The following NUP50 variants were observed in gnomAD, a reference collection of about 807,000 sequenced individuals.
NUP50 encodes the protein nuclear pore complex protein Nup50.
A neutral mutation model predicts 36.8 loss-of-function variants in NUP50; 14 were observed. The observed-to-expected ratio is 0.38, with a 90% CI of 0.25 to 0.59. NUP50 has a LOEUF of 0.59. NUP50 is among the 20% of genes least tolerant of loss of function. The pLI, the probability that NUP50 is intolerant of heterozygous loss-of-function variation, is 0.63. For synonymous variants in NUP50, 195 were observed against 210.8 expected (o/e 0.93, Z 0.65); for missense variants, 455 against 564.6 (o/e 0.81, Z 1.97).
chr22:45,183,478 A>G lies in NUP50; in HGVS notation c.1162A>G (p.Asn388Asp). 1 of 1,612,476 alleles carries G rather than the reference A, an allele frequency of 6.2e-7. No homozygotes were observed. Residue 388 changes from asparagine to aspartate, a missense_variant, in exon 7 of 8, where the codon AAT becomes GAT. Asn to Asp is a conservative substitution (Grantham distance 23, BLOSUM62 1). This residue lies in a region of NUP50 where 287 missense variants were observed against 345.5 expected (regional missense o/e 0.83). Coordinates refer to ENST00000347635, the MANE Select transcript of NUP50 (RefSeq NM_007172.4). The part of the protein sequence containing the change: ...IGTLHLKPTA[N>D]QKTQLLVRAD... Reference sequence around the variant, plus strand: ...TACTCTGCATTTAAAACCTACAGCAAATCAGAAGACACAGCTTTTGGTGCG... The same window carrying G: ...TACTCTGCATTTAAAACCTACAGCAGATCAGAAGACACAGCTTTTGGTGCG...
intron 5 of NUP50, chr22:45,180,422 G>C (rs1177543364): frequency 6.6e-6 from 1 of 152,246 alleles, no homozygotes. Flanking sequence ...ACCCAGGCTA[G>C]TAGTGCAGTG....
intron 2 of NUP50, among the ~76,000 whole-genome samples, chr22:45,169,762 C>G (rs1176724782): frequency 2.6e-5 from 4 of 152,196 alleles, no homozygotes; most frequent in African/African-American, 9.7e-5. Context: ...GGGAAGGCAC[C>G]TGTTACTTAG....
rs1162772967 is a variant in NUP50, at chr22:45,164,089, A to G, written c.-218A>G. ...ACCGGCGCTCTCGCCTCCCTGCCGA[A>G]CACAGCGTGAGGAGCCCCCCCAGGG... On this transcript the variant is annotated 5_prime_UTR_variant, in exon 1 of 8. Coordinates refer to ENST00000347635, the MANE Select transcript of NUP50 (RefSeq NM_007172.4). 1 of 152,270 alleles carries G rather than the reference A, an allele frequency of 6.6e-6. No individual in the cohort carries two copies. Among genetic ancestry groups the G allele is most frequent in the East Asian group, 1.9e-4 (1 of 5,184 alleles). The allele number at this position is 152,270 out of a possible 1,614,324, so 9.4% of individuals were successfully genotyped here.
rs2074452440 is a variant in NUP50 at position 45,185,291 on chromosome 22, T to C, written c.*636T>C. The C allele has an allele frequency of 6.5e-6, 1 of 152,942 alleles. No individual in the cohort carries two copies. Among genetic ancestry groups the C allele is most frequent in the Admixed American group, 6.5e-5 (1 of 15,362 alleles). 9.5% of individuals were successfully genotyped at this position (152,942 alleles called of 1,614,324 possible). ...CCTGCATTTTCATTCTAAAAAGAAATGAACAGCTTGTGAAGGAGTTTTTTG... is the reference window on the plus strand; with the variant it reads ...CCTGCATTTTCATTCTAAAAAGAAACGAACAGCTTGTGAAGGAGTTTTTTG... On this transcript the variant is annotated 3_prime_UTR_variant, in exon 8 of 8. Transcript: ENST00000347635.
In NUP50 at chr22:45,176,120, A is replaced by G. The variant is rs553487179; in HGVS notation, c.340+40A>G. On this transcript the variant is annotated intron_variant, in intron 4 of 7. Transcript: ENST00000347635. ...TCCCCCAGCCGCCTGTGTAAGTATC[A>G]TCTATGGAAAATAGCTTTACAAAGA... 1.3e-5 allele frequency: 20 copies of G among 1,589,116 alleles called. No individual in the cohort carries two copies. In the African/African-American group the frequency reaches 2.4e-4, roughly 19 times the overall value.
chr22:45,184,351 T>C, intron 7 of NUP50, 102 bp from the exon 8 acceptor site: 1 of 1,057,748 alleles, frequency 9.5e-7, no homozygotes. Context: ...CTGTCTTAGA[T>C]GTATTAAGTT....
At chr22:45,180,878 T>A (rs995500067) in intron 5 of NUP50, among the ~76,000 whole-genome samples, 5 of 152,304 alleles carry the variant, frequency 3.3e-5, no homozygotes, top group African/African-American at 1.2e-4. Context: ...CTTTGGCTAT[T>A]ACTGATACTT....
Position 45,184,820 on chromosome 22 carries a change from G to A in NUP50, c.*165G>A, listed in dbSNP as rs1601794781. The A allele has an allele frequency of 1.1e-5, 7 of 628,452 alleles. No individual in the cohort carries two copies. The highest frequency in any genetic ancestry group is 6.0e-5 in the South Asian group (3 of 49,976). 38.9% of individuals were successfully genotyped at this position (628,452 alleles called of 1,614,324 possible). A position where few individuals can be genotyped will look rare whatever the true frequency, so the allele number is the denominator to read the frequency against. On this transcript the variant is annotated 3_prime_UTR_variant, in exon 8 of 8. Transcript: ENST00000347635. ...GGCCAATAAAACCTTTAAATGTTAA[G>A]TGTCAAGAAACTGCACTCTCCCTTC...
intron 3 of NUP50, among the ~76,000 whole-genome samples, chr22:45,175,440 A>T (rs2147684035): frequency 6.6e-6 from 1 of 152,308 alleles, no homozygotes; most frequent in South Asian, 2.1e-4. Context: ...GATGTTAAGA[A>T]ATTAGGCAAA....
intron 3 of NUP50, among the ~76,000 whole-genome samples, chr22:45,175,216 C>T (rs562256817): frequency 2.6e-4 from 39 of 152,316 alleles, no homozygotes; most frequent in Non-Finnish European, 5.3e-4. Flanking sequence ...CGGAATGCCA[C>T]ACATTTCCAG....
chr22:45,167,141 T>C (rs543008961), intron 1 of NUP50, among the ~76,000 whole-genome samples: 5 of 152,290 alleles, frequency 3.3e-5, no homozygotes, highest in South Asian at 4.1e-4. Flanking sequence ...TGGTGTATTG[T>C]GGTGTTGAGA....
chr22:45,173,105 A>G (rs132884), intron 3 of NUP50, among the ~76,000 whole-genome samples: 30,962 of 152,036 alleles, frequency 0.2, 3,704 homozygotes, highest in East Asian at 0.57. Context: ...TGTAGAATTC[A>G]GGTTAACGGG....
intron 7 of NUP50, 56 bp from the exon 8 acceptor site, chr22:45,184,397 C>G: frequency 2.7e-6 from 4 of 1,494,722 alleles, no homozygotes; most frequent in Non-Finnish European, 3.7e-6. Context: ...TTACAGACTC[C>G]TTTGGTGGAG....
intron 5 of NUP50, 134 bp from the exon 6 acceptor site, chr22:45,181,152 T>G: frequency 1.1e-5 from 1 of 93,438 alleles, no homozygotes; most frequent in Non-Finnish European, 2.1e-5. Flanking sequence ...CCCCCCCCAT[T>G]AAGTGTGCAT....
chr22:45,180,683 C>T (rs569228891), intron 5 of NUP50, among the ~76,000 whole-genome samples: 2 of 152,208 alleles, frequency 1.3e-5, no homozygotes, highest in East Asian at 1.9e-4. Flanking sequence ...CAGCCTAATA[C>T]ATGTGTTTAA....
chr22:45,167,600 A>G (rs886320591), intron 1 of NUP50, among the ~76,000 whole-genome samples: 1 of 152,200 alleles, frequency 6.6e-6, no homozygotes, highest in South Asian at 2.1e-4. Flanking sequence ...GCAATATACA[A>G]TTTGAAGCAA....
chr22:45,178,000 C>T (rs1309459981), intron 4 of NUP50: 8 of 467,174 alleles, frequency 1.7e-5, no homozygotes, highest in Non-Finnish European at 2.7e-5. Flanking sequence ...GTGGCGGGTG[C>T]CCGTAATCCC....
chr22:45,183,316 C>T, intron 6 of NUP50, 86 bp from the exon 7 acceptor site: 1 of 767,102 alleles, frequency 1.3e-6, no homozygotes, highest in Non-Finnish European at 2.3e-6. Flanking sequence ...AGATTTTCCA[C>T]ACAAGTGTGA....
intron 7 of NUP50, 39 bp downstream of exon 7, chr22:45,183,559 CATA>C (rs2074416177): frequency 8.0e-7 from 1 of 1,252,734 alleles, no homozygotes; most frequent in Non-Finnish European, 1.2e-6. Flanking sequence ...ATCATCATCA[CATA>C]GTATATAAAA....
Sources: gnomAD v4.1 joint callset for allele counts (sites outside exome capture counted in the v4.1 genomes callset) on GRCh38, gnomAD v4.1.1 for gene constraint, gnomAD v4.1.1 regional missense constraint, MANE v1.5 for transcripts, NCBI Gene and HGNC (gene_info 2026-07-23, HGNC 2026-07-21) for gene names.